The following CALN1 variants were observed in gnomAD, a reference collection of about 807,000 sequenced individuals.
CALN1 encodes calneuron 1, also known as calcium-binding protein 8.
In CALN1, 17 loss-of-function variants were observed where a neutral mutation model predicts 30.6. That is an observed-to-expected ratio of 0.56 (90% confidence interval 0.38 to 0.83). The LOEUF is 0.83. CALN1 is among the 40% of genes least tolerant of loss of function. The pLI is 0.00. For missense variants in CALN1, 291 were observed against 354.9 expected (o/e 0.82, Z 1.45); for synonymous variants, 156 against 131.4 (o/e 1.19, Z -1.28).
At chr7:71,930,218 A>C (rs1584536067) in intron 5 of CALN1, among the ~76,000 whole-genome samples, 1 of 152,208 alleles carries the variant, frequency 6.6e-6, no homozygotes, top group East Asian at 1.9e-4. Context: ...CCACGGATAC[A>C]GAGTGCCAAC....
chr7:72,405,730 T>A (rs77977709), intron 1 of CALN1, among the ~76,000 whole-genome samples: 2 of 150,158 alleles, frequency 1.3e-5, no homozygotes, highest in South Asian at 2.1e-4. Flanking sequence ...AAAAAAAAAA[T>A]GACATTTTAT....
At chr7:72,265,322 A>C (rs1022909851) in intron 3 of CALN1, among the ~76,000 whole-genome samples, 1 of 152,218 alleles carries the variant, frequency 6.6e-6, no homozygotes, top group Admixed American at 6.5e-5. Context: ...GCCACTGTGA[A>C]GAGAGAAGAC....
At chr7:72,406,249 C>T (rs1376794165) in intron 1 of CALN1, among the ~76,000 whole-genome samples, 1 of 152,302 alleles carries the variant, frequency 6.6e-6, no homozygotes, top group Non-Finnish European at 1.5e-5. Context: ...TAACCACCGT[C>T]GGCCAACTAA....
intron 6 of CALN1, among the ~76,000 whole-genome samples, chr7:71,805,258 T>G (rs989479347): frequency 2.0e-5 from 3 of 152,164 alleles, no homozygotes; most frequent in African/African-American, 7.2e-5. Context: ...ATTGGTGTGA[T>G]TACCTGTTTG....
intron 5 of CALN1, among the ~76,000 whole-genome samples, chr7:71,937,243 G>C (rs1016133161): frequency 7.2e-5 from 11 of 152,208 alleles, no homozygotes; most frequent in African/African-American, 2.6e-4. Context: ...CCGGGAGACA[G>C]AGGTTGCAGT....
intron 5 of CALN1, among the ~76,000 whole-genome samples, chr7:71,899,121 C>T (rs373660501): frequency 3.8e-4 from 57 of 151,354 alleles, no homozygotes; most frequent in African/African-American, 1.3e-3. Flanking sequence ...TCTCACTCTC[C>T]CTCCCAGGCC....
the CALN1 span, among the ~76,000 whole-genome samples, chr7:72,487,305 G>T: frequency 6.6e-6 from 1 of 152,220 alleles, no homozygotes; most frequent in African/African-American, 2.4e-5. Flanking sequence ...GGTTGTAAAA[G>T]TTTAACACGT....
At chr7:71,989,558 G>C (rs1395631592) in intron 5 of CALN1, among the ~76,000 whole-genome samples, 2 of 151,968 alleles carry the variant, frequency 1.3e-5, no homozygotes, top group Non-Finnish European at 2.9e-5. Context: ...AAACCACCAA[G>C]TACACTCTCT....
At chr7:72,163,195 G>A (rs1788244529) in intron 3 of CALN1, among the ~76,000 whole-genome samples, 1 of 152,018 alleles carries the variant, frequency 6.6e-6, no homozygotes, top group South Asian at 2.1e-4. Flanking sequence ...CAAAACTGAG[G>A]GGTTCATCCT....
intron 2 of CALN1, among the ~76,000 whole-genome samples, chr7:72,392,401 A>C (rs1316775516): frequency 2.0e-5 from 3 of 152,320 alleles, no homozygotes; most frequent in Admixed American, 2.0e-4. Context: ...TCAGAGACAA[A>C]AAGTTCAGGA....
intron 2 of CALN1, among the ~76,000 whole-genome samples, chr7:72,318,386 TCA>T (rs1379180274): frequency 6.6e-6 from 1 of 152,082 alleles, no homozygotes. Context: ...AGCAAAAAAA[TCA>T]CAGAGCAAGG....
rs146153912 is a variant in CALN1 at position 72,048,894 on chromosome 7, T to G, written c.389-25125A>C. ...ATGATTATAGCTCTCTGCAGCCACC[T>G]CAACATTTTCGGCCCAAGCAATCCT... On this transcript the variant is annotated intron_variant, in intron 4 of 6. Coordinates refer to ENST00000395275, the MANE Select transcript of CALN1 (RefSeq NM_031468.4). Among the ~76,000 whole-genome samples the G allele has an allele frequency of 2.7e-3, 411 of 151,982 alleles. 2 individuals carry two copies. The highest frequency in any genetic ancestry group is 9.3e-3 in the African/African-American group (385 of 41,448).
At chr7:72,454,666 T>A in the CALN1 span, among the ~76,000 whole-genome samples, 2 of 152,088 alleles carry the variant, frequency 1.3e-5, no homozygotes, top group East Asian at 3.8e-4. Context: ...AAGAAAAATG[T>A]CTTTGCAACA....
intron 5 of CALN1, among the ~76,000 whole-genome samples, chr7:71,967,708 T>C (rs1797601208): frequency 1.3e-5 from 2 of 150,650 alleles, no homozygotes; most frequent in Admixed American, 1.3e-4. Flanking sequence ...ACTTTCAAAC[T>C]CAATAATAAG....
At chr7:72,186,004 G>A (rs1790159566) in intron 3 of CALN1, among the ~76,000 whole-genome samples, 1 of 152,128 alleles carries the variant, frequency 6.6e-6, no homozygotes, top group Non-Finnish European at 1.5e-5. Flanking sequence ...TATCTGGGTG[G>A]GTGCAATGTC....
Position 71,810,328 on chromosome 7 carries a change from G to T in CALN1, c.658+8C>A, listed in dbSNP as rs73360079. ...GACCGGGGAGGGGATGGCAGCAGGG[G>T]CACCTACCTCCTTCAAACTCTGTTT... On this transcript the variant is annotated splice_region_variant and intron_variant, in intron 6 of 6. Coordinates refer to ENST00000395275, the MANE Select transcript of CALN1 (RefSeq NM_031468.4). 2.6e-4 allele frequency: 426 copies of T among 1,613,010 alleles called. 2 individuals are homozygous for T. In the African/African-American group the frequency reaches 4.6e-3, roughly 17 times the overall value.
chr7:71,853,206 T>A (rs1356553477), intron 5 of CALN1, among the ~76,000 whole-genome samples: 2 of 152,012 alleles, frequency 1.3e-5, no homozygotes, highest in Non-Finnish European at 2.9e-5. Context: ...CCTCCCAAAG[T>A]GCTGGGATTA....
intron 5 of CALN1, among the ~76,000 whole-genome samples, chr7:71,911,434 T>C (rs1256151421): frequency 6.6e-6 from 1 of 152,214 alleles, no homozygotes; most frequent in Non-Finnish European, 1.5e-5. Flanking sequence ...CTGTGTAGTA[T>C]GTCCTTTAGT....
intron 5 of CALN1, among the ~76,000 whole-genome samples, chr7:71,901,336 C>T (rs528077740): frequency 6.6e-6 from 1 of 150,852 alleles, no homozygotes; most frequent in Non-Finnish European, 1.5e-5. Context: ...CTGCCCAAAG[C>T]AATCCACAGA....
Sources: allele counts gnomAD v4.1 joint callset (sites outside exome capture counted in the v4.1 genomes callset), GRCh38; gene constraint gnomAD v4.1.1; transcripts MANE v1.5; gene names NCBI Gene and HGNC (gene_info 2026-07-23, HGNC 2026-07-21).